YWHAZ: variants seen among roughly 807,000 people sequenced by gnomAD.
YWHAZ encodes 14-3-3 protein zeta/delta.
For synonymous variants in YWHAZ, 87 were observed against 103.6 expected (o/e 0.84, Z 0.97); for missense variants, 79 against 284.8 (o/e 0.28, Z 5.20).
rs573625287 is a variant in YWHAZ at position 100,937,370 on chromosome 8, A to G, written c.294+11226T>C. On this transcript the variant is annotated intron_variant, in intron 2 of 5. Coordinates refer to ENST00000395958, the MANE Select transcript of YWHAZ (RefSeq NM_145690.3). Reference sequence around the variant, plus strand: ...GGTACAAAAACAATGATACATTTGTAAAGAAAAATATGTGGGGTGGAGAGA... The same window carrying G: ...GGTACAAAAACAATGATACATTTGTGAAGAAAAATATGTGGGGTGGAGAGA... Among the ~76,000 whole-genome samples the G allele has an allele frequency of 1.9e-3, 290 of 152,142 alleles. 3 individuals are homozygous for G. Among genetic ancestry groups the G allele is most frequent in the African/African-American group, 6.8e-3 (281 of 41,490 alleles).
chr8:100,942,162 G>A (rs1259721562), intron 2 of YWHAZ, among the ~76,000 whole-genome samples: 1 of 152,114 alleles, frequency 6.6e-6, no homozygotes, highest in Non-Finnish European at 1.5e-5. Flanking sequence ...AAACAAAAGG[G>A]CAGGTGTCAC....
In YWHAZ at chr8:100,924,066, A is replaced by G; in HGVS notation, c.583-16T>C. The G allele has an allele frequency of 6.2e-7, 1 of 1,607,810 alleles. No individual in the cohort carries two copies. Among genetic ancestry groups the G allele is most frequent in the Non-Finnish European group, 8.5e-7 (1 of 1,178,296 alleles). ...CATCAAAAGCCTACGATTTAAAAAT[A>G]GTACATTACATTTCAGTGCTCAAAT... On this transcript the variant is annotated splice_polypyrimidine_tract_variant and intron_variant, in intron 4 of 5. Transcript: ENST00000395958. The surrounding 1 kb of genome is among the most constrained non-coding windows in gnomAD (Gnocchi z 5.7).
chr8:100,942,372 A>G (rs1198187481), intron 2 of YWHAZ, among the ~76,000 whole-genome samples: 6 of 152,226 alleles, frequency 3.9e-5, no homozygotes, highest in Admixed American at 2.6e-4. Flanking sequence ...AGTAACTTTC[A>G]CATATACAAG....
Position 100,922,281 on chromosome 8 carries a change from GA to G in YWHAZ, c.679-1530del, listed in dbSNP as rs1294470675. On this transcript the variant is annotated intron_variant, in intron 5 of 5. Transcript: ENST00000395958. This position sits in a 1 kb window ranked among gnomAD's most constrained non-coding sequence, Gnocchi z 4.1. ...TTTGGGATAATTTCTTTTCTTGACA[GA>G]TAAATGTTCCAATCAACCTATAATG... is the stretch of plus-strand genomic sequence containing the variant. 6.6e-6 allele frequency among the ~76,000 whole-genome samples: 1 copy of G among 152,110 alleles called. No homozygotes were observed. The highest frequency in any genetic ancestry group is 1.5e-5 in the Non-Finnish European group (1 of 68,024).
rs115067399 is a variant in YWHAZ at position 100,943,503 on chromosome 8, T to G, written c.294+5093A>C. 5.2e-3 allele frequency among the ~76,000 whole-genome samples: 785 copies of G among 152,294 alleles called. 9 individuals carry two copies. Among genetic ancestry groups the G allele is most frequent in the African/African-American group, 0.017 (715 of 41,562 alleles). ...AAATTAATCCAAAAGTCCAATGACA[T>G]TTAATTCAGTATTATAAAGACAGAG... On this transcript the variant is annotated intron_variant, in intron 2 of 5. Coordinates refer to ENST00000395958, the MANE Select transcript of YWHAZ (RefSeq NM_145690.3).
At chr8:100,930,002 A>G (rs993905691) in intron 2 of YWHAZ, among the ~76,000 whole-genome samples, 1 of 152,256 alleles carries the variant, frequency 6.6e-6, no homozygotes, top group East Asian at 1.9e-4. Context: ...TTCACCTACA[A>G]TAGTACAATG....
At chr8:100,934,507 C>G (rs1312560795) in intron 2 of YWHAZ, among the ~76,000 whole-genome samples, 1 of 151,900 alleles carries the variant, frequency 6.6e-6, no homozygotes, top group Non-Finnish European at 1.5e-5. Context: ...TCGAGACCAG[C>G]CTGGCTAACA....
chr8:100,953,154 A>C, upstream of YWHAZ: 2 of 985,818 alleles, frequency 2.0e-6, no homozygotes, highest in Non-Finnish European at 2.4e-6. Flanking sequence ...GGCAGCCTTG[A>C]CCCGGAGACA....
chr8:100,916,557 A>C lies in YWHAZ; in HGVS notation c.*4136T>G, dbSNP rs1812723530. On this transcript the variant is annotated 3_prime_UTR_variant, in exon 6 of 6. Transcript: ENST00000395958. Reference sequence around the variant, plus strand: ...CAAACATCCAATGTTAGAAAATGTAAGCACAAACTGAAAATTCATAGGGTT... The same window carrying C: ...CAAACATCCAATGTTAGAAAATGTACGCACAAACTGAAAATTCATAGGGTT... 6.6e-6 allele frequency: 1 copy of C among 152,376 alleles called. No homozygotes were observed. The highest frequency in any genetic ancestry group is 2.4e-5 in the African/African-American group (1 of 41,584). 9.4% of individuals were successfully genotyped at this position (152,376 alleles called of 1,614,324 possible). A position where few individuals can be genotyped will look rare whatever the true frequency, so the allele number is the denominator to read the frequency against.
upstream of YWHAZ, chr8:100,952,170 C>T: frequency 3.0e-6 from 3 of 984,972 alleles, no homozygotes; most frequent in Non-Finnish European, 3.6e-6. Context: ...ATCGGGGCCC[C>T]GCGTAACCGC....
Position 100,951,767 on chromosome 8 carries a change from AGAG to A in YWHAZ, c.-12+159_-12+161del, listed in dbSNP as rs1810806877. The A allele has an allele frequency of 5.1e-6, 5 of 984,994 alleles. No individual in the cohort carries two copies. The South Asian group carries it at 1.9e-4, about 37-fold the overall frequency. 61.0% of individuals were successfully genotyped at this position (984,994 alleles called of 1,614,324 possible). On this transcript the variant is annotated intron_variant, in intron 1 of 5. Transcript: ENST00000395958. ...TAGCCGCCCTCCCGAGCCCAGCGGAAGAGGAGCCGCCGCCCGTGTCCGCTGAGG... is the reference window on the plus strand; with the variant it reads ...TAGCCGCCCTCCCGAGCCCAGCGGAAGAGCCGCCGCCCGTGTCCGCTGAGG...
In YWHAZ at chr8:100,918,444, A is replaced by ATATATATATATATATATATATAT. The variant is rs57486163; in HGVS notation, c.*2248_*2249insATATATATATATATATATATATA. ...TATATATATATATATATATATATAT[A>ATATATATATATATATATATATAT]ATTATTTTACCTCCTTGGCTTGGGG... is the stretch of plus-strand genomic sequence containing the variant. On this transcript the variant is annotated 3_prime_UTR_variant, in exon 6 of 6. Transcript: ENST00000395958. 5.6e-4 allele frequency: 61 copies of ATATATATATATATATATATATAT among 108,786 alleles called. No individual in the cohort carries two copies. The highest frequency in any genetic ancestry group is 9.5e-4 in the Non-Finnish European group (51 of 53,642). 6.7% of individuals were successfully genotyped at this position (108,786 alleles called of 1,614,324 possible).
At chr8:100,951,755 G>A (rs1810805703) in intron 1 of YWHAZ, 174 bp downstream of exon 1, 1 of 985,226 alleles carries the variant, frequency 1.0e-6, no homozygotes, top group African/African-American at 1.7e-5. Flanking sequence ...CCGCCCTCCC[G>A]AGCCCAGCGG....
chr8:100,933,649 A>G (rs1161932862), intron 2 of YWHAZ, among the ~76,000 whole-genome samples: 1 of 152,192 alleles, frequency 6.6e-6, no homozygotes, highest in East Asian at 1.9e-4. Flanking sequence ...GTCTGTACAG[A>G]TAGTGTGTAG....
rs765096380 is a variant in YWHAZ at position 100,924,115 on chromosome 8, G to GTT, written c.582+19_582+20insAA. On this transcript the variant is annotated intron_variant, in intron 4 of 5. Coordinates refer to ENST00000395958, the MANE Select transcript of YWHAZ (RefSeq NM_145690.3). This position sits in a 1 kb window ranked among gnomAD's most constrained non-coding sequence, Gnocchi z 5.7. ...ATAATAAAGACTGCTAAATTTCTAC[G>GTT]TAACAGGTAAAATACATACTGTCTT... 1.9e-6 allele frequency: 3 copies of GTT among 1,608,608 alleles called. No individual in the cohort carries two copies. Among genetic ancestry groups the GTT allele is most frequent in the Non-Finnish European group, 2.5e-6 (3 of 1,178,036 alleles).
Position 100,924,791 on chromosome 8 carries a change from G to A in YWHAZ, c.418+125C>T. On this transcript the variant is annotated intron_variant, in intron 3 of 5. Transcript: ENST00000395958. This position sits in a 1 kb window ranked among gnomAD's most constrained non-coding sequence, Gnocchi z 5.7. ...TAGATGTGTATTCTCAGAACACAAA[G>A]AGCACTGCTACTCCTTATTCGGCAC... 1 of 1,205,206 alleles carries A rather than the reference G, an allele frequency of 8.3e-7. No individual in the cohort carries two copies. Among genetic ancestry groups the A allele is most frequent in the Non-Finnish European group, 1.2e-6 (1 of 861,980 alleles). The allele number at this position is 1,205,206 out of a possible 1,614,324, so 74.7% of individuals were successfully genotyped here.
intron 2 of YWHAZ, among the ~76,000 whole-genome samples, chr8:100,926,939 G>A (rs1171249581): frequency 1.3e-5 from 2 of 152,092 alleles, no homozygotes. Context: ...TTCAACTATG[G>A]GAGATGGTAT....
intron 2 of YWHAZ, among the ~76,000 whole-genome samples, chr8:100,934,106 C>G (rs866988548): frequency 1.6e-5 from 2 of 126,440 alleles, no homozygotes; most frequent in Admixed American, 1.0e-4. Flanking sequence ...TTGCAGTGAG[C>G]TGAGATCGTG....
Position 100,923,988 on chromosome 8 carries a change from C to T in YWHAZ, c.645G>A (p.Thr215=), listed in dbSNP as rs770302028. Residue 215 remains threonine (T), a synonymous_variant, in exon 5 of 6, where the codon ACG becomes ACA. Transcript: ENST00000395958. The part of the protein sequence containing the change: ...TLSEESYKDS[T]LIMQLLRDNL... ...TGTCTCTCAGTAATTGCATTATTAG[C>T]GTGCTGTCTTTGTATGACTCTTCAC... is the stretch of plus-strand genomic sequence containing the variant. The T allele has an allele frequency of 1.8e-5, 29 of 1,612,690 alleles. No homozygotes were observed. The highest frequency in any genetic ancestry group is 3.4e-4 in the Middle Eastern group (2 of 5,908).
Sources: gnomAD v4.1 joint callset for allele counts (sites outside exome capture counted in the v4.1 genomes callset) on GRCh38, gnomAD v4.1.1 for gene constraint, Gnocchi (gnomAD v3.1) non-coding constraint, MANE v1.5 for transcripts, NCBI Gene and HGNC (gene_info 2026-07-23, HGNC 2026-07-21) for gene names.